Variants in LIPJ observed in about 807,000 individuals in gnomAD.
The protein encoded by LIPJ is lipase family member J.
LIPJ carries 33 observed loss-of-function variants against 39.8 expected under a neutral mutation model. The observed-to-expected ratio is 0.83, with a 90% CI of 0.63 to 1.11. The LOEUF is 1.11. LIPJ is among the 50% of genes least tolerant of loss of function. LIPJ has a pLI of 0.00. For missense variants in LIPJ, 422 were observed against 427.9 expected, an observed-to-expected ratio of 0.99 and a Z score of 0.12; for synonymous variants, 128 against 139.2, an observed-to-expected ratio of 0.92 and a Z score of 0.57.
chr10:88,618,499 A>C, the LIPJ span: 1 of 152,542 alleles, frequency 6.6e-6, no homozygotes, highest in South Asian at 2.1e-4. Context: ...CTTATATATT[A>C]GTTTATTTTC....
chr10:88,604,626 G>A (rs1335286127), intron 9 of LIPJ, among the ~76,000 whole-genome samples: 1 of 152,148 alleles, frequency 6.6e-6, no homozygotes, highest in Non-Finnish European at 1.5e-5. Flanking sequence ...AGTCTTGGAT[G>A]ATTCTAAAGT....
the LIPJ span, among the ~76,000 whole-genome samples, chr10:88,622,338 G>A: frequency 6.6e-6 from 1 of 152,116 alleles, no homozygotes; most frequent in Admixed American, 6.6e-5. Context: ...CAGCAAATCA[G>A]TTAGTAAGAA....
Position 88,591,471 on chromosome 10 carries a change from TG to T in LIPJ, c.105del (p.Trp35Ter). The T allele has an allele frequency of 1.2e-6, 2 of 1,601,860 alleles. No homozygotes were observed. Among genetic ancestry groups the T allele is most frequent in the South Asian group, 2.2e-5 (2 of 89,776 alleles). On this transcript the variant is annotated frameshift_variant, in exon 4 of 11. Transcript: ENST00000371939. LOFTEE classifies it high-confidence loss of function. ...CCTTGGCCTTTATAGAATTCCTTAT[TG>T]GAGGACAGACAATAATAAAAATCTA...
At chr10:88,589,174 A>G (rs1851003842) in intron 2 of LIPJ, among the ~76,000 whole-genome samples, 1 of 151,924 alleles carries the variant, frequency 6.6e-6, no homozygotes, top group Non-Finnish European at 1.5e-5. Flanking sequence ...AACCTCAGCT[A>G]GGAAGCAAGC....
intron 9 of LIPJ, among the ~76,000 whole-genome samples, chr10:88,603,735 C>T (rs1851570949): frequency 6.6e-6 from 1 of 152,090 alleles, no homozygotes; most frequent in South Asian, 2.1e-4. Flanking sequence ...AGTTAATAAA[C>T]ACTAGGTAAC....
the LIPJ span, among the ~76,000 whole-genome samples, chr10:88,613,816 G>A: frequency 0.4 from 27,736 of 69,082 alleles, 3,931 homozygotes; most frequent in East Asian, 0.53. Flanking sequence ...GTGTGTGTGT[G>A]TATATATATA....
At chr10:88,591,319 C>T in intron 3 of LIPJ, 59 bp from the exon 4 acceptor site, 3 of 1,373,746 alleles carry the variant, frequency 2.2e-6, no homozygotes, top group Non-Finnish European at 3.0e-6. Flanking sequence ...AAATGGCAAA[C>T]CATTCAACTT....
At chr10:88,583,420 G>A (rs1850781860), upstream of LIPJ, 1 of 1,359,784 alleles carries the variant, frequency 7.4e-7, no homozygotes, top group South Asian at 1.7e-5. Context: ...GGAGAACCGG[G>A]GCTGTCTGTC....
upstream of LIPJ, among the ~76,000 whole-genome samples, chr10:88,586,352 C>T (rs530216382): frequency 3.3e-5 from 5 of 152,238 alleles, no homozygotes; most frequent in African/African-American, 1.2e-4. Context: ...CCTAGAATGA[C>T]TAGATCACCT....
chr10:88,599,425 C>A lies in LIPJ; in HGVS notation c.723+2489C>A, dbSNP rs545318468. On this transcript the variant is annotated intron_variant, in intron 8 of 10. Coordinates refer to ENST00000371939, the Ensembl canonical transcript of LIPJ. ...GACCACCATGTCCCCATTTTTCCCA[C>A]CTGCCAGACCCTGGCAACCACCATT... Among the ~76,000 whole-genome samples the A allele has an allele frequency of 2.0e-5, 3 of 152,078 alleles. No individual in the cohort carries two copies. In the South Asian group the frequency reaches 6.2e-4, roughly 32 times the overall value.
chr10:88,614,053 C>T, the LIPJ span, among the ~76,000 whole-genome samples: 10 of 151,188 alleles, frequency 6.6e-5, no homozygotes, highest in Non-Finnish European at 1.5e-5. Context: ...CAAAAGGCAA[C>T]ATGTGACTCT....
chr10:88,616,292 C>T, the LIPJ span, among the ~76,000 whole-genome samples: 1 of 152,172 alleles, frequency 6.6e-6, no homozygotes, highest in Non-Finnish European at 1.5e-5. Flanking sequence ...GAAAGCCTCC[C>T]AGGCTGAAGG....
At chr10:88,597,030 G>C in intron 8 of LIPJ, 94 bp downstream of exon 8, 2 of 724,564 alleles carry the variant, frequency 2.8e-6, no homozygotes, top group Non-Finnish European at 4.4e-6. Context: ...GTCATTTTGT[G>C]TTTCATCCAC....
At position 88,598,973 on chromosome 10, in the gene LIPJ, T is replaced by TTA. The variant is rs550026214; in HGVS notation, c.723+2039_723+2040dup. 5.0e-3 allele frequency among the ~76,000 whole-genome samples: 718 copies of TTA among 144,334 alleles called. 11 individuals carry two copies. The highest frequency in any genetic ancestry group is 0.017 in the African/African-American group (667 of 38,946). The allele number at this position is 144,334 out of a possible 152,430, so 94.7% of individuals were successfully genotyped here. On this transcript the variant is annotated intron_variant, in intron 8 of 10. Transcript: ENST00000371939. ...GTATTTAATAATATAATATATTATA[T>TTA]TATTACAATAATATAAAATATTATA...
At chr10:88,613,988 G>GA in the LIPJ span, among the ~76,000 whole-genome samples, 8 of 150,272 alleles carry the variant, frequency 5.3e-5, no homozygotes, top group African/African-American at 1.9e-4. Context: ...TTAAAAATTA[G>GA]AAAAAATACT....
intron 9 of LIPJ, among the ~76,000 whole-genome samples, chr10:88,603,136 T>C (rs1370171910): frequency 6.6e-6 from 1 of 152,062 alleles, no homozygotes. Flanking sequence ...ATTTAATTAA[T>C]TCTCTAAACC....
At chr10:88,584,883 G>T (rs529951882), upstream of LIPJ, among the ~76,000 whole-genome samples, 34 of 152,220 alleles carry the variant, frequency 2.2e-4, no homozygotes, top group South Asian at 6.6e-3. Flanking sequence ...ATACACAATG[G>T]TATATTACTG....
At chr10:88,620,476 A>T in the LIPJ span, among the ~76,000 whole-genome samples, 1 of 152,210 alleles carries the variant, frequency 6.6e-6, no homozygotes, top group Non-Finnish European at 1.5e-5. Flanking sequence ...TAAAATTTTA[A>T]ATTCTAAAAA....
chr10:88,613,828 ATG>A, the LIPJ span, among the ~76,000 whole-genome samples: 4 of 117,776 alleles, frequency 3.4e-5, no homozygotes, highest in African/African-American at 1.3e-4. Flanking sequence ...ATATATATAT[ATG>A]TGTGTATATA....
Sources: allele counts gnomAD v4.1 joint callset (sites outside exome capture counted in the v4.1 genomes callset), GRCh38; gene constraint gnomAD v4.1.1; transcripts MANE v1.5; gene names NCBI Gene and HGNC (gene_info 2026-07-23, HGNC 2026-07-21).